RAB3GAP1: variants seen among roughly 807,000 people sequenced by gnomAD.
RAB3GAP1 encodes RAB3 GTPase activating protein catalytic subunit 1, also known as rab3 GTPase-activating protein catalytic subunit.
A neutral mutation model predicts 130.7 loss-of-function variants in RAB3GAP1; 86 were observed. The ratio of observed to expected loss-of-function variants is 0.66; its 90% confidence interval spans 0.55 to 0.79. RAB3GAP1 has a LOEUF of 0.79. Ranked by LOEUF, RAB3GAP1 falls within the 30% of genes least tolerant of loss-of-function variation. RAB3GAP1 has a pLI of 0.00. For synonymous variants in RAB3GAP1, 367 were observed against 401.7 expected (o/e 0.91, Z 1.03); for missense variants, 1,029 against 1,169.4 (o/e 0.88, Z 1.75).
At chr2:135,145,215 A>G (rs1691960247) in intron 17 of RAB3GAP1, among the ~76,000 whole-genome samples, 1 of 152,132 alleles carries the variant, frequency 6.6e-6, no homozygotes, top group Admixed American at 6.6e-5. Context: ...TCACTTATTT[A>G]TCATTTTTAT....
chr2:135,133,069 A>C (rs1008038402), intron 14 of RAB3GAP1, 85 bp downstream of exon 14: 5 of 852,654 alleles, frequency 5.9e-6, no homozygotes, highest in Admixed American at 4.2e-5. Context: ...TTAATAGCTT[A>C]CTATATTTTT....
intron 2 of RAB3GAP1, among the ~76,000 whole-genome samples, chr2:135,056,496 C>T (rs138675411): frequency 7.2e-5 from 11 of 152,310 alleles, no homozygotes; most frequent in Admixed American, 2.0e-4. Context: ...AGCCGCTGTG[C>T]CTGGCCTTTG....
chr2:135,136,631 A>G (rs1264494277), intron 17 of RAB3GAP1: 3 of 942,700 alleles, frequency 3.2e-6, no homozygotes, highest in Non-Finnish European at 4.3e-6. Flanking sequence ...ATCCAACTGC[A>G]CTTATGTATG....
At chr2:135,071,842 G>A in intron 3 of RAB3GAP1, among the ~76,000 whole-genome samples, 1 of 152,182 alleles carries the variant, frequency 6.6e-6, no homozygotes, top group East Asian at 1.9e-4. Context: ...AATGGCTGTT[G>A]GTCTGTCAGG....
intron 2 of RAB3GAP1, among the ~76,000 whole-genome samples, chr2:135,057,173 T>C (rs1689037662): frequency 6.6e-6 from 1 of 152,202 alleles, no homozygotes; most frequent in East Asian, 1.9e-4. Flanking sequence ...TGGTGACTAG[T>C]TTTAAGACCT....
At chr2:135,081,398 ATGTGTGTGTATATATATGTG>A (rs1284965982) in intron 3 of RAB3GAP1, among the ~76,000 whole-genome samples, 2 of 136,428 alleles carry the variant, frequency 1.5e-5, no homozygotes, top group Non-Finnish European at 3.1e-5. Context: ...ATATGTATAT[ATGTGTGTGTATATATATGTG>A]TGTGTGTGTA....
At chr2:135,091,572 T>TATTTTGGATTTACTCTAG (rs1411239212) in intron 4 of RAB3GAP1, among the ~76,000 whole-genome samples, 2 of 152,210 alleles carry the variant, frequency 1.3e-5, no homozygotes, top group African/African-American at 4.8e-5. Context: ...TAGAGGGTAG[T>TATTTTGGATTTACTCTAG]ATTTTGGATT....
rs1292718271 is a variant in RAB3GAP1, at chr2:135,164,622, G to A, written c.2635G>A (p.Glu879Lys). 1.2e-6 allele frequency: 2 copies of A among 1,613,384 alleles called. No individual in the cohort carries two copies. Among genetic ancestry groups the A allele is most frequent in the Non-Finnish European group, 1.7e-6 (2 of 1,179,624 alleles). The change falls in exon 23 of 24, where the codon GAA becomes AAA. Residue 879 changes from glutamate to lysine, a missense_variant. Glu to Lys is a moderately conservative substitution (Grantham distance 56). This residue lies in a region of RAB3GAP1 where 146 missense variants were observed against 143.7 expected (regional missense o/e 1.02). Coordinates refer to ENST00000264158, the MANE Select transcript of RAB3GAP1 (RefSeq NM_012233.3). ...TGTGAGTTGCCTGCTGGAGCAGCCT[G>A]AAGTGTTAGTCACCGGTGCAGGAAG... ...RFVSCLLEQP[E>K]VLVTGAGRGH...
intron 4 of RAB3GAP1, 120 bp from the exon 5 acceptor site, chr2:135,093,495 A>T (rs1215167033): frequency 1.3e-6 from 1 of 744,090 alleles, no homozygotes; most frequent in East Asian, 2.6e-5. Context: ...TTTAGATATG[A>T]ATCTTAAAGC....
At chr2:135,064,915 AT>A (rs545377016) in intron 3 of RAB3GAP1, among the ~76,000 whole-genome samples, 7,031 of 137,936 alleles carry the variant, frequency 0.051, 477 homozygotes, top group African/African-American at 0.16. Flanking sequence ...TCTGAAGAGT[AT>A]TTTTTTTTTT....
rs148474091 is a variant in RAB3GAP1 at position 135,067,592 on chromosome 2, A to G, written c.150+9506A>G. Among the ~76,000 whole-genome samples the G allele has an allele frequency of 6.8e-3, 1,031 of 152,352 alleles. 8 individuals carry two copies. Among genetic ancestry groups the G allele is most frequent in the South Asian group, 0.043 (208 of 4,826 alleles). Reference sequence around the variant, plus strand: ...ATCTTTAAGAGGCAGAATAGCACACATAGGTGATGAAGAGTATGCACTTCA... The same window carrying G: ...ATCTTTAAGAGGCAGAATAGCACACGTAGGTGATGAAGAGTATGCACTTCA... On this transcript the variant is annotated intron_variant, in intron 3 of 23. Transcript: ENST00000264158.
intron 8 of RAB3GAP1, among the ~76,000 whole-genome samples, chr2:135,122,191 A>C (rs1226522027): frequency 1.3e-5 from 2 of 152,186 alleles, no homozygotes; most frequent in Non-Finnish European, 2.9e-5. Context: ...ATAATTTTCA[A>C]CTCTAATGTA....
intron 3 of RAB3GAP1, among the ~76,000 whole-genome samples, chr2:135,086,956 C>T (rs1165552952): frequency 6.6e-6 from 1 of 152,086 alleles, no homozygotes; most frequent in Non-Finnish European, 1.5e-5. Flanking sequence ...AGCCACTGTG[C>T]CCAGCCACCT....
At chr2:135,075,187 G>A (rs559669845) in intron 3 of RAB3GAP1, among the ~76,000 whole-genome samples, 1 of 152,314 alleles carries the variant, frequency 6.6e-6, no homozygotes, top group South Asian at 2.1e-4. Flanking sequence ...GTCCTGTGGA[G>A]CCAGTCCCCA....
At chr2:135,130,404 C>T (rs1233714187) in intron 12 of RAB3GAP1, 148 bp from the exon 13 acceptor site, 47 of 712,326 alleles carry the variant, frequency 6.6e-5, no homozygotes, top group Non-Finnish European at 4.6e-6. Context: ...TAAAGCTGAA[C>T]ATGTATATTA....
intron 5 of RAB3GAP1, among the ~76,000 whole-genome samples, chr2:135,109,853 A>G (rs549187305): frequency 1.6e-4 from 25 of 152,238 alleles, no homozygotes; most frequent in African/African-American, 4.8e-4. Context: ...AAGTGCTGGG[A>G]TTACAGGTGT....
chr2:135,059,000 A>G (rs1689095668), intron 3 of RAB3GAP1: 1 of 152,098 alleles, frequency 6.6e-6, no homozygotes, highest in Non-Finnish European at 1.5e-5. Flanking sequence ...CTATCAAAAA[A>G]GAGACTGTCA....
chr2:135,063,742 C>T (rs1462606854), intron 3 of RAB3GAP1, among the ~76,000 whole-genome samples: 1 of 152,148 alleles, frequency 6.6e-6, no homozygotes, highest in Non-Finnish European at 1.5e-5. Flanking sequence ...ACTTGGGTCG[C>T]TTCTACCTTT....
intron 3 of RAB3GAP1, among the ~76,000 whole-genome samples, chr2:135,084,914 G>A (rs998537806): frequency 6.6e-6 from 1 of 152,064 alleles, no homozygotes; most frequent in Non-Finnish European, 1.5e-5. Flanking sequence ...AATAATCAAA[G>A]GCAGATTTTC....
Sources: allele counts gnomAD v4.1 joint callset (sites outside exome capture counted in the v4.1 genomes callset), GRCh38; gene constraint gnomAD v4.1.1; regional missense constraint gnomAD v4.1.1; transcripts MANE v1.5; gene names NCBI Gene and HGNC (gene_info 2026-07-23, HGNC 2026-07-21).